The following MSL2 variants were observed in gnomAD, a reference collection of about 807,000 sequenced individuals.
MSL2 encodes the protein E3 ubiquitin-protein ligase MSL2.
Under a neutral mutation model 35.8 loss-of-function variants are expected in MSL2, and 2 were observed. The ratio of observed to expected loss-of-function variants is 0.06; its 90% CI spans 0.02 to 0.18. The LOEUF (loss-of-function observed/expected upper bound fraction) is 0.18. Among genes scored for constraint, MSL2 ranks in the 10% least tolerant of loss-of-function variants. The probability of loss-of-function intolerance (pLI) is 1.00; values close to 1 mark genes in which losing one functional copy is unlikely to be tolerated. For missense variants in MSL2, 523 were observed against 706.7 expected (o/e 0.74, Z 2.95); for synonymous variants, 296 against 255.7 (o/e 1.16, Z -1.50).
chr3:136,193,025 C>T (rs1940734621), intron 1 of MSL2, among the ~76,000 whole-genome samples: 1 of 152,128 alleles, frequency 6.6e-6, no homozygotes, highest in South Asian at 2.1e-4. Flanking sequence ...AAGGGAGAAG[C>T]AGAACTCACG....
intron 1 of MSL2, among the ~76,000 whole-genome samples, chr3:136,188,725 CAAAAAAAAA>C (rs11328242): frequency 0.01 from 1,046 of 102,506 alleles, 20 homozygotes; most frequent in African/African-American, 0.036. Flanking sequence ...GACCCTGTCT[CAAAAAAAAA>C]AAAAAAAAAA....
chr3:136,185,289 T>C (rs1940486450), intron 1 of MSL2, among the ~76,000 whole-genome samples: 1 of 146,544 alleles, frequency 6.8e-6, no homozygotes, highest in African/African-American at 2.6e-5. Context: ...TTCAGCAAAT[T>C]TTTAACAAAG....
Position 136,159,529 on chromosome 3 carries a change from A to ATTTTTT in MSL2, c.143-6797_143-6792dup, listed in dbSNP as rs71624086. ...CAGGCGCCCGCCACCACGCCCAGCTATTTTTTTTTTTTTTGCATTTTTAGT... is the reference window on the plus strand; with the variant it reads ...CAGGCGCCCGCCACCACGCCCAGCTATTTTTTTTTTTTTTTTTTTTGCATTTTTAGT... On this transcript the variant is annotated intron_variant, in intron 1 of 1. Transcript: ENST00000309993. Among the ~76,000 whole-genome samples, 833 of 135,876 alleles carry ATTTTTT rather than the reference A, an allele frequency of 6.1e-3. 12 individuals carry two copies. The highest frequency in any genetic ancestry group is 0.021 in the African/African-American group (785 of 36,626). The allele number at this position is 135,876 out of a possible 152,430, so 89.1% of individuals were successfully genotyped here.
rs1452310325 is a variant in MSL2 at position 136,149,830 on chromosome 3, G to A, written c.*1317C>T. On this transcript the variant is annotated 3_prime_UTR_variant, in exon 2 of 2. Transcript: ENST00000309993. The stretch of plus-strand genomic sequence containing the variant: ...CTTACTAGAGATGGTGAACGTAGTA[G>A]AAATTGGAAATTTTCCAGCAGTATT... The A allele has an allele frequency of 2.6e-5, 4 of 152,390 alleles. No individual in the cohort carries two copies. The highest frequency in any genetic ancestry group is 9.6e-5 in the African/African-American group (4 of 41,566). 9.4% of individuals were successfully genotyped at this position (152,390 alleles called of 1,614,324 possible).
At chr3:136,172,755 C>G (rs574627700) in intron 1 of MSL2, among the ~76,000 whole-genome samples, 1 of 152,050 alleles carries the variant, frequency 6.6e-6, no homozygotes, top group South Asian at 2.1e-4. Context: ...CAAATGTGTA[C>G]GTCTTCAGTT....
At position 136,180,816 on chromosome 3, in the gene MSL2, G is replaced by GGGAA. The variant is rs1329921141; in HGVS notation, c.142+14152_142+14155dup. 6.7e-3 allele frequency among the ~76,000 whole-genome samples: 357 copies of GGGAA among 53,580 alleles called. 17 individuals carry two copies. Among genetic ancestry groups the GGGAA allele is most frequent in the African/African-American group, 0.016 (205 of 12,432 alleles). The allele number at this position is 53,580 out of a possible 152,430, so 35.2% of individuals were successfully genotyped here. A position where few individuals can be genotyped will look rare whatever the true frequency, so the allele number is the denominator to read the frequency against. ...AGGGAGGGAGGGAGGGAGGGAAGGA[G>GGGAA]GGAAGGAAGGAAGGAAGGAAGGAAG... On this transcript the variant is annotated intron_variant, in intron 1 of 1. Coordinates refer to ENST00000309993, the MANE Select transcript of MSL2 (RefSeq NM_018133.4).
chr3:136,171,685 G>C (rs947112390), intron 1 of MSL2, among the ~76,000 whole-genome samples: 2 of 152,156 alleles, frequency 1.3e-5, no homozygotes, highest in Admixed American at 1.3e-4. Flanking sequence ...GCTCCTAAGT[G>C]ATTTGGCCCT....
chr3:136,189,812 G>C (rs1032836846), intron 1 of MSL2, among the ~76,000 whole-genome samples: 1 of 151,458 alleles, frequency 6.6e-6, no homozygotes, highest in Non-Finnish European at 1.5e-5. Context: ...TAACACCAAT[G>C]TTTAACCTCT....
chr3:136,153,766 A>T (rs1181244900), intron 1 of MSL2, among the ~76,000 whole-genome samples: 1 of 147,230 alleles, frequency 6.8e-6, no homozygotes, highest in African/African-American at 2.5e-5. Context: ...ATCCAGCCTA[A>T]GCAATAGAGC....
At chr3:136,168,661 C>T (rs547748663) in intron 1 of MSL2, among the ~76,000 whole-genome samples, 2 of 152,000 alleles carry the variant, frequency 1.3e-5, no homozygotes, top group East Asian at 3.9e-4. Flanking sequence ...CCTCGATGAC[C>T]GGTTGATGGG....
At chr3:136,169,044 A>T (rs1288787277) in intron 1 of MSL2, among the ~76,000 whole-genome samples, 1 of 152,082 alleles carries the variant, frequency 6.6e-6, no homozygotes, top group African/African-American at 2.4e-5. Flanking sequence ...ACAGGATGGT[A>T]ACTTAAGCAA....
chr3:136,156,099 T>C (rs1939512123), intron 1 of MSL2: 1 of 221,742 alleles, frequency 4.5e-6, no homozygotes. Context: ...ATCTCCACTG[T>C]GCTGGAGTCC....
At chr3:136,189,307 T>C (rs935693036) in intron 1 of MSL2, among the ~76,000 whole-genome samples, 8 of 113,620 alleles carry the variant, frequency 7.0e-5, no homozygotes, top group Non-Finnish European at 1.3e-4. Context: ...TCGAGAAAAT[T>C]AAAAAAAAAA....
Position 136,152,742 on chromosome 3 carries a change from A to AG in MSL2, c.143-5dup, listed in dbSNP as rs751834718. 1.2e-6 allele frequency: 2 copies of AG among 1,603,832 alleles called. No individual in the cohort carries two copies. The highest frequency in any genetic ancestry group is 2.2e-5 in the East Asian group (1 of 44,768). ...ATAGGATCTTGTAGCAAATGTCCTA[A>AG]GGGGGAGAAGGAGGAAAGCAAAGAT... On this transcript the variant is annotated splice_region_variant and splice_polypyrimidine_tract_variant and intron_variant, in intron 1 of 1. Coordinates refer to ENST00000309993, the MANE Select transcript of MSL2 (RefSeq NM_018133.4).
intron 1 of MSL2, among the ~76,000 whole-genome samples, chr3:136,155,086 T>C (rs1292098559): frequency 1.3e-5 from 2 of 151,920 alleles, no homozygotes; most frequent in African/African-American, 4.8e-5. Context: ...CACACGCCTG[T>C]AGTCCCAGCT....
At chr3:136,181,304 TGAGTAA>T (rs1940354529) in intron 1 of MSL2, among the ~76,000 whole-genome samples, 1 of 152,082 alleles carries the variant, frequency 6.6e-6, no homozygotes, top group Non-Finnish European at 1.5e-5. Context: ...ATTGAAACAA[TGAGTAA>T]GAGTTAATAA....
intron 1 of MSL2, among the ~76,000 whole-genome samples, chr3:136,180,190 G>A (rs2108085129): frequency 6.6e-6 from 1 of 152,226 alleles, no homozygotes; most frequent in East Asian, 1.9e-4. Context: ...CTGATATTTG[G>A]ACTTCTTATG....
At chr3:136,167,736 T>G (rs1939889854) in intron 1 of MSL2, among the ~76,000 whole-genome samples, 1 of 152,116 alleles carries the variant, frequency 6.6e-6, no homozygotes, top group South Asian at 2.1e-4. Context: ...AAACCAGAAT[T>G]TTAAATGGTC....
intron 1 of MSL2, among the ~76,000 whole-genome samples, chr3:136,159,601 G>A (rs1440054489): frequency 6.6e-6 from 1 of 150,566 alleles, no homozygotes; most frequent in Non-Finnish European, 1.5e-5. Flanking sequence ...TGATCTCCTG[G>A]CCTCGTGATC....
Sources: allele counts gnomAD v4.1 joint callset (sites outside exome capture counted in the v4.1 genomes callset), GRCh38; gene constraint gnomAD v4.1.1; transcripts MANE v1.5; gene names NCBI Gene and HGNC (gene_info 2026-07-23, HGNC 2026-07-21).